CMSS1: variants seen among roughly 807,000 people sequenced by gnomAD.
The protein encoded by CMSS1 is cms1 ribosomal small subunit homolog, also known as protein CMSS1.
A neutral mutation model predicts 43.5 loss-of-function variants in CMSS1; 33 were observed. The observed-to-expected ratio is 0.76, with a 90% CI of 0.57 to 1.01. CMSS1 has a LOEUF of 1.01. Ranked by LOEUF, CMSS1 falls within the 50% of genes least tolerant of loss-of-function variation. CMSS1 has a pLI of 0.00. For missense variants in CMSS1, 313 were observed against 326.4 expected (o/e 0.96, Z 0.32); for synonymous variants, 115 against 117.2 (o/e 0.98, Z 0.12).
intron 1 of CMSS1, among the ~76,000 whole-genome samples, chr3:99,923,526 C>G (rs1707188955): frequency 6.6e-6 from 1 of 152,178 alleles, no homozygotes; most frequent in African/African-American, 2.4e-5. Context: ...TCTAACCAGT[C>G]ACTAATTCAT....
chr3:99,855,325 G>A (rs919888994), intron 1 of CMSS1, among the ~76,000 whole-genome samples: 1 of 152,086 alleles, frequency 6.6e-6, no homozygotes, highest in Non-Finnish European at 1.5e-5. Context: ...TGCAAAAAGG[G>A]CGTTAAATGA....
chr3:100,152,755 T>A (rs1262997284), intron 2 of CMSS1, among the ~76,000 whole-genome samples: 1 of 152,172 alleles, frequency 6.6e-6, no homozygotes, highest in Non-Finnish European at 1.5e-5. Flanking sequence ...ATAGACACAT[T>A]TTCCATATAA....
chr3:100,075,806 G>A (rs1409723445), intron 1 of CMSS1, among the ~76,000 whole-genome samples: 2 of 151,926 alleles, frequency 1.3e-5, no homozygotes, highest in Admixed American at 1.3e-4. Context: ...GACTGACCTG[G>A]GGCAATTTAT....
At chr3:100,059,269 C>T (rs1382898939) in intron 1 of CMSS1, among the ~76,000 whole-genome samples, 1 of 152,122 alleles carries the variant, frequency 6.6e-6, no homozygotes, top group Admixed American at 6.5e-5. Flanking sequence ...TTTCTTTTTC[C>T]TTAAAGGGCT....
At chr3:100,074,816 C>T (rs2107384791) in intron 1 of CMSS1, among the ~76,000 whole-genome samples, 1 of 149,266 alleles carries the variant, frequency 6.7e-6, no homozygotes, top group African/African-American at 2.5e-5. Flanking sequence ...ACCTCAGCTT[C>T]CAGAGTAGCT....
intron 6 of CMSS1, among the ~76,000 whole-genome samples, chr3:100,170,089 A>G (rs990625821): frequency 6.6e-6 from 1 of 152,242 alleles, no homozygotes; most frequent in Non-Finnish European, 1.5e-5. Context: ...TAACTTTTAT[A>G]AGAACATCTG....
chr3:99,909,006 T>TA (rs1009439292), intron 1 of CMSS1, among the ~76,000 whole-genome samples: 39 of 152,102 alleles, frequency 2.6e-4, no homozygotes, highest in Admixed American at 1.2e-3. Context: ...ACTCTATACT[T>TA]AAAAAAATTA....
At chr3:100,062,360 CT>C (rs1388541029) in intron 1 of CMSS1, among the ~76,000 whole-genome samples, 1 of 152,022 alleles carries the variant, frequency 6.6e-6, no homozygotes, top group Non-Finnish European at 1.5e-5. Flanking sequence ...ATCCACCCGT[CT>C]CGGCCTCTCA....
chr3:99,830,723 G>T (rs1195478346), intron 1 of CMSS1: 1 of 393,264 alleles, frequency 2.5e-6, no homozygotes, highest in African/African-American at 2.1e-5. Flanking sequence ...AGTTTCTGGG[G>T]ATGTATCAGA....
At chr3:99,991,311 T>A (rs1709504252) in intron 1 of CMSS1, among the ~76,000 whole-genome samples, 1 of 152,136 alleles carries the variant, frequency 6.6e-6, no homozygotes, top group South Asian at 2.1e-4. Flanking sequence ...CACACACCCT[T>A]CCAAAAGTTT....
At chr3:99,925,885 C>G (rs1182929876) in intron 1 of CMSS1, 2 of 985,266 alleles carry the variant, frequency 2.0e-6, no homozygotes, top group East Asian at 2.3e-4. Flanking sequence ...TGGCCTTGAG[C>G]TCCATTTTGC....
chr3:99,986,979 A>G (rs929103025), intron 1 of CMSS1, among the ~76,000 whole-genome samples: 2 of 152,108 alleles, frequency 1.3e-5, no homozygotes, highest in African/African-American at 4.8e-5. Context: ...CTATAATCCT[A>G]GCCCTTTGGG....
At chr3:99,908,209 T>C (rs547064874) in intron 1 of CMSS1, among the ~76,000 whole-genome samples, 4 of 152,342 alleles carry the variant, frequency 2.6e-5, no homozygotes, top group African/African-American at 9.6e-5. Flanking sequence ...GCTGACATAG[T>C]ATGTCCATTA....
intron 1 of CMSS1, among the ~76,000 whole-genome samples, chr3:99,979,755 A>G (rs1159332694): frequency 6.6e-6 from 1 of 152,168 alleles, no homozygotes; most frequent in Admixed American, 6.5e-5. Flanking sequence ...TTGCTCTAGT[A>G]TTGTAAGGAT....
chr3:100,172,433 C>T, intron 8 of CMSS1, 30 bp downstream of exon 8: 1 of 1,567,704 alleles, frequency 6.4e-7, no homozygotes, highest in Non-Finnish European at 8.8e-7. Flanking sequence ...ATACTCTTGC[C>T]CAGGGCTGGG....
At chr3:100,058,845 G>C (rs1223135975) in intron 1 of CMSS1, among the ~76,000 whole-genome samples, 2 of 152,204 alleles carry the variant, frequency 1.3e-5, no homozygotes, top group African/African-American at 4.8e-5. Context: ...TTAAAATAAA[G>C]TTTAGTAGTT....
At chr3:99,976,071 G>C (rs1708961022) in intron 1 of CMSS1, among the ~76,000 whole-genome samples, 2 of 152,046 alleles carry the variant, frequency 1.3e-5, no homozygotes, top group African/African-American at 4.8e-5. Flanking sequence ...TTTTAGTAGA[G>C]ACGAGGTTTC....
chr3:99,942,201 CAA>C (rs968127559), intron 1 of CMSS1, among the ~76,000 whole-genome samples: 8 of 119,152 alleles, frequency 6.7e-5, no homozygotes, highest in Admixed American at 8.6e-5. Context: ...GACTCCATCT[CAA>C]AAAAAAAAAA....
chr3:100,087,115 T>C (rs962256166), intron 1 of CMSS1, among the ~76,000 whole-genome samples: 1 of 152,252 alleles, frequency 6.6e-6, no homozygotes, highest in African/African-American at 2.4e-5. Flanking sequence ...GAAGGACATT[T>C]GGTTTATTTT....
Sources: gnomAD v4.1 joint callset for allele counts (sites outside exome capture counted in the v4.1 genomes callset) on GRCh38, gnomAD v4.1.1 for gene constraint, MANE v1.5 for transcripts, NCBI Gene and HGNC (gene_info 2026-07-23, HGNC 2026-07-21) for gene names.